The following IL1RAPL1 variants were observed in gnomAD, a reference collection of about 807,000 sequenced individuals.
The protein encoded by IL1RAPL1 is interleukin 1 receptor accessory protein like 1, also known as interleukin-1 receptor accessory protein-like 1.
A neutral mutation model predicts 48.4 loss-of-function variants in IL1RAPL1; 3 were observed. That is an observed-to-expected ratio of 0.06 (90% CI 0.03 to 0.16). The LOEUF (loss-of-function observed/expected upper bound fraction) is 0.16. IL1RAPL1 is among the 10% of genes least tolerant of loss of function. The pLI is 1.00. For synonymous variants in IL1RAPL1, 185 were observed against 187.7 expected (o/e 0.99, Z 0.12); for missense variants, 349 against 530.6 (o/e 0.66, Z 3.36).
At chrX:28,850,954 T>A (rs768962874) in intron 2 of IL1RAPL1, among the ~76,000 whole-genome samples, 2 of 106,012 alleles carry the variant, frequency 1.9e-5, no homozygotes, top group South Asian at 8.6e-4. Context: ...AAAAGTATAG[T>A]CTCTTCTGTG....
intron 2 of IL1RAPL1, among the ~76,000 whole-genome samples, chrX:29,033,473 T>C (rs1462838926): frequency 9.0e-6 from 1 of 111,185 alleles, no homozygotes; most frequent in East Asian, 2.8e-4. Flanking sequence ...TTGGCTGAGA[T>C]ATGGATACAC....
chrX:29,546,201 A>AC (rs747560315), intron 5 of IL1RAPL1, among the ~76,000 whole-genome samples: 1 of 111,838 alleles, frequency 8.9e-6, no homozygotes, highest in Non-Finnish European at 1.9e-5. Flanking sequence ...TTGTATTTTT[A>AC]CTGAGTAGGT....
intron 2 of IL1RAPL1, among the ~76,000 whole-genome samples, chrX:28,934,644 G>T (rs967271978): frequency 1.8e-5 from 2 of 111,410 alleles, no homozygotes; most frequent in African/African-American, 6.5e-5. Flanking sequence ...ACAATTTGTT[G>T]TTTCGTGACT....
At chrX:28,974,978 G>A (rs895012027) in intron 2 of IL1RAPL1, among the ~76,000 whole-genome samples, 1 of 112,156 alleles carries the variant, frequency 8.9e-6, no homozygotes. Flanking sequence ...AGTGGAACAT[G>A]GAAGTTTTTC....
At chrX:29,174,480 A>C (rs900225012) in intron 2 of IL1RAPL1, among the ~76,000 whole-genome samples, 2 of 112,288 alleles carry the variant, frequency 1.8e-5, no homozygotes. Flanking sequence ...TTTAGGTTAC[A>C]TTGTCTTGCT....
intron 5 of IL1RAPL1, among the ~76,000 whole-genome samples, chrX:29,399,787 C>A (rs949763979): frequency 1.9e-4 from 20 of 106,598 alleles, no homozygotes; most frequent in Non-Finnish European, 3.5e-4. Context: ...CCATTGCACT[C>A]CAGCCTGGGG....
At chrX:28,816,143 G>A (rs1251561991) in intron 2 of IL1RAPL1, among the ~76,000 whole-genome samples, 1 of 107,527 alleles carries the variant, frequency 9.3e-6, no homozygotes, top group Non-Finnish European at 1.9e-5. Context: ...TGAGGTTTTC[G>A]CTTCCTTCGT....
chrX:29,245,981 C>T (rs7888923), intron 2 of IL1RAPL1, among the ~76,000 whole-genome samples: 7,710 of 110,228 alleles, frequency 0.07, 673 homozygotes, highest in African/African-American at 0.24. Context: ...TAGAATTCTT[C>T]AAAGGCATAC....
intron 5 of IL1RAPL1, among the ~76,000 whole-genome samples, chrX:29,533,798 A>C (rs1325649902): frequency 9.0e-6 from 1 of 111,495 alleles, no homozygotes; most frequent in Non-Finnish European, 1.9e-5. Flanking sequence ...ATTGGGTGTA[A>C]ATTGATTGTT....
intron 8 of IL1RAPL1, among the ~76,000 whole-genome samples, chrX:29,929,781 T>C (rs892717429): frequency 3.6e-5 from 4 of 111,667 alleles, no homozygotes; most frequent in African/African-American, 1.3e-4. Flanking sequence ...TTCTACTCTG[T>C]ATGTGATGTA....
intron 2 of IL1RAPL1, among the ~76,000 whole-genome samples, chrX:28,835,738 G>A (rs1482952): frequency 0.12 from 13,647 of 110,397 alleles, 1,475 homozygotes; most frequent in African/African-American, 0.34. Flanking sequence ...ATGCAGTTTG[G>A]CATTACAAGT....
intron 6 of IL1RAPL1, among the ~76,000 whole-genome samples, chrX:29,694,772 C>G (rs1926864972): frequency 9.0e-6 from 1 of 111,583 alleles, no homozygotes; most frequent in South Asian, 3.8e-4. Context: ...ATCACCTTCC[C>G]AAGGCTCCAC....
chrX:28,784,823 AACTTCCCCAT>A (rs1478970881), intron 1 of IL1RAPL1, among the ~76,000 whole-genome samples: 1 of 110,800 alleles, frequency 9.0e-6, no homozygotes, highest in East Asian at 2.9e-4. Flanking sequence ...AAGGAGTCTC[AACTTCCCCAT>A]ACTAATATCT....
intron 5 of IL1RAPL1, among the ~76,000 whole-genome samples, chrX:29,512,092 TTA>T (rs71914498): frequency 0.41 from 44,700 of 107,777 alleles, 7,040 homozygotes; most frequent in East Asian, 0.69. Flanking sequence ...GTTATCTTTA[TTA>T]TATATATATA....
intron 6 of IL1RAPL1, among the ~76,000 whole-genome samples, chrX:29,786,655 C>G (rs1929507194): frequency 9.0e-6 from 1 of 111,517 alleles, no homozygotes; most frequent in Non-Finnish European, 1.9e-5. Context: ...AGCAAATAAG[C>G]TCGTAAAGTC....
At chrX:29,198,525 A>AC (rs1207690279) in intron 2 of IL1RAPL1, among the ~76,000 whole-genome samples, 5 of 110,228 alleles carry the variant, frequency 4.5e-5, no homozygotes, top group African/African-American at 1.7e-4. Flanking sequence ...CGAACTCCTG[A>AC]CCTCATGATC....
chrX:29,229,815 A>G (rs1931158652), intron 2 of IL1RAPL1, among the ~76,000 whole-genome samples: 1 of 112,189 alleles, frequency 8.9e-6, no homozygotes, highest in Non-Finnish European at 1.9e-5. Flanking sequence ...TTCAGAATAT[A>G]TATTAAAGTG....
chrX:29,802,700 G>C (rs1026415534), intron 6 of IL1RAPL1, among the ~76,000 whole-genome samples: 2 of 95,433 alleles, frequency 2.1e-5, no homozygotes, highest in African/African-American at 7.5e-5. Context: ...ATTAAATTTT[G>C]TGTTTGGATG....
At chrX:28,966,470 A>C (rs777072931) in intron 2 of IL1RAPL1, among the ~76,000 whole-genome samples, 2 of 111,731 alleles carry the variant, frequency 1.8e-5, no homozygotes, top group African/African-American at 6.5e-5. Context: ...GCATTCTAAT[A>C]GTCAGTGATT....
Sources: allele counts gnomAD v4.1 joint callset (sites outside exome capture counted in the v4.1 genomes callset), GRCh38; gene constraint gnomAD v4.1.1; transcripts MANE v1.5; gene names NCBI Gene and HGNC (gene_info 2026-07-23, HGNC 2026-07-21).